The following ZBTB7C variants were observed in gnomAD, a reference collection of about 807,000 sequenced individuals.
ZBTB7C encodes the protein zinc finger and BTB domain-containing protein 7C.
A neutral mutation model predicts 25.7 loss-of-function variants in ZBTB7C; 8 were observed. That is an observed-to-expected ratio of 0.31 (90% CI 0.18 to 0.56). The LOEUF (loss-of-function observed/expected upper bound fraction) is 0.56, where lower values mean the gene tolerates loss of function less well. Ranked by LOEUF, ZBTB7C falls within the 20% of genes least tolerant of loss-of-function variation. The probability of loss-of-function intolerance (pLI) is 0.91; values close to 1 mark genes in which losing one functional copy is unlikely to be tolerated. For missense variants in ZBTB7C, 824 were observed against 855.2 expected (o/e 0.96, Z 0.46); for synonymous variants, 394 against 369.0 (o/e 1.07, Z -0.78).
At chr18:48,172,930 G>A (rs1315518680) in intron 3 of ZBTB7C, among the ~76,000 whole-genome samples, 2 of 152,212 alleles carry the variant, frequency 1.3e-5, no homozygotes, top group Non-Finnish European at 2.9e-5. Flanking sequence ...ACTGTGGGGT[G>A]GAACAGCAGC....
At chr18:48,235,620 C>A (rs1487197059) in intron 2 of ZBTB7C, among the ~76,000 whole-genome samples, 1 of 152,120 alleles carries the variant, frequency 6.6e-6, no homozygotes, top group African/African-American at 2.4e-5. Context: ...TTCTTAAATA[C>A]ATATTTTAGG....
intron 2 of ZBTB7C, among the ~76,000 whole-genome samples, chr18:48,198,544 G>C (rs776062767): frequency 4.6e-5 from 7 of 152,136 alleles, no homozygotes; most frequent in Non-Finnish European, 7.4e-5. Flanking sequence ...AGCTTCTAGA[G>C]GCCACCACAT....
At chr18:48,042,750 C>A (rs2036304536) in intron 3 of ZBTB7C, among the ~76,000 whole-genome samples, 1 of 145,730 alleles carries the variant, frequency 6.9e-6, no homozygotes, top group Admixed American at 6.8e-5. Context: ...CCCACCTTCT[C>A]ATCTTTAAAA....
intron 1 of ZBTB7C, among the ~76,000 whole-genome samples, chr18:48,349,594 A>G (rs2046817957): frequency 6.6e-6 from 1 of 152,234 alleles, no homozygotes; most frequent in South Asian, 2.1e-4. Context: ...GAAATGAATG[A>G]TGTCCATGCT....
chr18:48,206,733 C>A (rs1488644287), intron 2 of ZBTB7C, among the ~76,000 whole-genome samples: 1 of 152,156 alleles, frequency 6.6e-6, no homozygotes, highest in Non-Finnish European at 1.5e-5. Context: ...TAGACCTAAA[C>A]ATGAAAGCTA....
At chr18:48,105,557 A>G (rs1360719024) in intron 3 of ZBTB7C, among the ~76,000 whole-genome samples, 1 of 152,122 alleles carries the variant, frequency 6.6e-6, no homozygotes, top group Non-Finnish European at 1.5e-5. Context: ...TACTTTCCAA[A>G]TGCCCCTGGA....
At chr18:48,062,513 C>T (rs550820997) in intron 3 of ZBTB7C, among the ~76,000 whole-genome samples, 2 of 152,222 alleles carry the variant, frequency 1.3e-5, no homozygotes, top group Non-Finnish European at 2.9e-5. Context: ...CTACTGTGTG[C>T]CAGGTATTGA....
intron 1 of ZBTB7C, among the ~76,000 whole-genome samples, chr18:48,352,761 G>A (rs1001074362): frequency 2.6e-5 from 4 of 152,138 alleles, no homozygotes; most frequent in African/African-American, 9.7e-5. Context: ...GTTCAGGACA[G>A]AAGAGATGTG....
At chr18:48,399,829 T>C (rs1305591127) in intron 1 of ZBTB7C, among the ~76,000 whole-genome samples, 3 of 152,200 alleles carry the variant, frequency 2.0e-5, no homozygotes, top group African/African-American at 7.2e-5. Flanking sequence ...ATGACAACAG[T>C]GCCGCTGACT....
At chr18:48,065,514 G>A (rs908577824) in intron 3 of ZBTB7C, among the ~76,000 whole-genome samples, 2 of 152,222 alleles carry the variant, frequency 1.3e-5, no homozygotes, top group African/African-American at 4.8e-5. Context: ...ACTGGGGGTA[G>A]AGCCATGCTT....
intron 2 of ZBTB7C, among the ~76,000 whole-genome samples, chr18:48,332,698 TA>T (rs1279596475): frequency 6.9e-5 from 8 of 115,574 alleles, no homozygotes; most frequent in African/African-American, 2.4e-4. Flanking sequence ...TTTTTTTTTT[TA>T]AGAAAAGCCA....
At chr18:48,290,574 T>C (rs2045193829) in intron 2 of ZBTB7C, among the ~76,000 whole-genome samples, 3 of 152,210 alleles carry the variant, frequency 2.0e-5, no homozygotes, top group African/African-American at 4.8e-5. Flanking sequence ...TTGAGGGTCA[T>C]TAAGAGTGTG....
intron 2 of ZBTB7C, among the ~76,000 whole-genome samples, chr18:48,322,477 C>A (rs2046119508): frequency 6.6e-6 from 1 of 152,200 alleles, no homozygotes; most frequent in South Asian, 2.1e-4. Context: ...AGAACCATGT[C>A]AGCACTTCTG....
chr18:48,403,100 C>T (rs531250913), intron 1 of ZBTB7C, among the ~76,000 whole-genome samples: 74 of 152,258 alleles, frequency 4.9e-4, no homozygotes, highest in African/African-American at 1.6e-3. Flanking sequence ...GAGGAGGCTG[C>T]CAATGAATGA....
At chr18:48,117,702 A>G (rs1336778227) in intron 3 of ZBTB7C, among the ~76,000 whole-genome samples, 1 of 152,192 alleles carries the variant, frequency 6.6e-6, no homozygotes, top group Non-Finnish European at 1.5e-5. Context: ...CACGTGTTCC[A>G]TCTCACAGAA....
At chr18:48,314,989 C>G (rs1157627483) in intron 2 of ZBTB7C, among the ~76,000 whole-genome samples, 1 of 152,180 alleles carries the variant, frequency 6.6e-6, no homozygotes, top group Non-Finnish European at 1.5e-5. Context: ...GAAAGGAGCC[C>G]TCTGCAGAGG....
At chr18:48,279,378 A>G (rs984048010) in intron 2 of ZBTB7C, among the ~76,000 whole-genome samples, 2 of 152,162 alleles carry the variant, frequency 1.3e-5, no homozygotes, top group African/African-American at 4.8e-5. Flanking sequence ...GAGGCAAAAG[A>G]GGCCATGCTT....
chr18:48,366,760 T>C (rs1038227196), intron 1 of ZBTB7C, among the ~76,000 whole-genome samples: 1 of 152,210 alleles, frequency 6.6e-6, no homozygotes, highest in Non-Finnish European at 1.5e-5. Context: ...ATATATCAGG[T>C]TGGCAAATAT....
intron 1 of ZBTB7C, among the ~76,000 whole-genome samples, chr18:48,400,358 A>G (rs2048128136): frequency 6.6e-6 from 1 of 152,256 alleles, no homozygotes; most frequent in Admixed American, 6.5e-5. Flanking sequence ...AAAGAACACC[A>G]GAGCTGAAAT....
Sources: allele counts gnomAD v4.1 joint callset (sites outside exome capture counted in the v4.1 genomes callset), GRCh38; gene constraint gnomAD v4.1.1; transcripts MANE v1.5; gene names NCBI Gene and HGNC (gene_info 2026-07-23, HGNC 2026-07-21).